IRF5: variants seen among roughly 807,000 people sequenced by gnomAD.
The protein encoded by IRF5 is interferon regulatory factor 5.
In IRF5, 24 loss-of-function variants were observed where a neutral mutation model predicts 55.1. That is an observed-to-expected ratio of 0.44 (90% CI 0.32 to 0.61). The LOEUF is 0.61. Ranked by LOEUF, IRF5 falls within the 20% of genes least tolerant of loss-of-function variation. The pLI, the probability that IRF5 is intolerant of heterozygous loss-of-function variation, is 0.07. For synonymous variants in IRF5, 258 were observed against 260.2 expected (o/e 0.99, Z 0.08); for missense variants, 499 against 658.5 (o/e 0.76, Z 2.65).
In IRF5 at chr7:128,948,384, GCTAGGCC is replaced by G; in HGVS notation, c.1299+59_1299+65del. ...GGCTTGAAAACTGGGGAATCCTGGG[GCTAGGCC>G]CTTGCCCCAGGCTGGAGGCTCAGGG... On this transcript the variant is annotated intron_variant, in intron 8 of 8. Coordinates refer to ENST00000357234, the MANE Select transcript of IRF5 (RefSeq NM_001098629.3). This position sits in a 1 kb window ranked among gnomAD's most constrained non-coding sequence, Gnocchi z 4.6. 1 of 1,505,854 alleles carries G rather than the reference GCTAGGCC, an allele frequency of 6.6e-7. No homozygotes were observed. The allele number at this position is 1,505,854 out of a possible 1,614,324, so 93.3% of individuals were successfully genotyped here. A position where few individuals can be genotyped will look rare whatever the true frequency, so the allele number is the denominator to read the frequency against.
upstream of IRF5, chr7:128,937,574 G>C (rs1563069336): frequency 6.6e-6 from 1 of 152,390 alleles, no homozygotes; most frequent in African/African-American, 2.4e-5. Flanking sequence ...AGGCAGGCGA[G>C]AGGAGGGCCT....
chr7:128,946,507 A>G lies in IRF5; in HGVS notation c.392A>G (p.Gln131Arg). The change falls in exon 4 of 9, where the codon CAG becomes CGG. Residue 131 changes from glutamine (Q) to arginine (R), a missense_variant. Around this residue, in one of 2 missense-constraint regions of IRF5, gnomAD observed 305 missense variants for 340.2 expected, o/e 0.90. Coordinates refer to ENST00000357234, the MANE Select transcript of IRF5 (RefSeq NM_001098629.3). The surrounding 1 kb of genome is among the most constrained non-coding windows in gnomAD (Gnocchi z 4.2). ...TTCTCTCCCTGCTGTGCAGACTCCC[A>G]GCCCCCTGAGGATTACTCTTTTGGT... ...CSNGPAPTDS[Q>R]PPEDYSFGAG... 1 of 1,607,288 alleles carries G rather than the reference A, an allele frequency of 6.2e-7. No individual in the cohort carries two copies. Among genetic ancestry groups the G allele is most frequent in the Non-Finnish European group, 8.5e-7 (1 of 1,177,198 alleles).
rs1406341251 is a variant in IRF5, at chr7:128,947,478, C to A, written c.730C>A (p.Pro244Thr). The stretch of plus-strand genomic sequence containing the variant: ...GCCTGGGCCCCTGCCTGCCAGCCTG[C>A]CCCCTGCAGGCGAACAGCTCCTGCC... ...LEPGPLPASL[P>T]PAGEQLLPDL... Residue 244 changes from proline to threonine, a missense_variant, in exon 6 of 9, where the codon CCC (proline) becomes ACC (threonine). By Grantham distance (38) the Pro-to-Thr change is conservative. Coordinates refer to ENST00000357234, the MANE Select transcript of IRF5 (RefSeq NM_001098629.3). This position sits in a 1 kb window ranked among gnomAD's most constrained non-coding sequence, Gnocchi z 6.5. The A allele has an allele frequency of 6.2e-7, 1 of 1,606,902 alleles. No homozygotes were observed. The highest frequency in any genetic ancestry group is 1.1e-5 in the South Asian group (1 of 90,488).
At chr7:128,945,742 C>A in intron 2 of IRF5, 103 bp from the exon 3 acceptor site, 1 of 1,167,610 alleles carries the variant, frequency 8.6e-7, no homozygotes. Flanking sequence ...AGCCTGTAGC[C>A]GAAGTTCTCC....
At position 128,946,868 on chromosome 7, in the gene IRF5, TG is replaced by T; in HGVS notation, c.448-152del. On this transcript the variant is annotated intron_variant, in intron 4 of 8. Coordinates refer to ENST00000357234, the MANE Select transcript of IRF5 (RefSeq NM_001098629.3). The surrounding 1 kb of genome is among the most constrained non-coding windows in gnomAD (Gnocchi z 4.2). ...TCTGACCTGCCTGGGATGGACGAGC[TG>T]GGACCGGAGGCAGGGTCTTGCCTGA... is the stretch of plus-strand genomic sequence containing the variant. 2.2e-6 allele frequency: 2 copies of T among 899,462 alleles called. No individual in the cohort carries two copies. Among genetic ancestry groups the T allele is most frequent in the African/African-American group, 1.6e-5 (1 of 60,704 alleles). 55.7% of individuals were successfully genotyped at this position (899,462 alleles called of 1,614,324 possible).
intron 1 of IRF5, chr7:128,940,488 C>G (rs2128957514): frequency 6.6e-6 from 1 of 152,470 alleles, no homozygotes; most frequent in Admixed American, 6.5e-5. Flanking sequence ...ATGTTATAAA[C>G]CACACTAAAT....
rs1796424106 is a variant in IRF5, at chr7:128,948,102, C to T, written c.1161C>T (p.Ser387=). Residue 387 remains serine (S), a synonymous_variant, in exon 7 of 9, where the codon AGC becomes AGT. Transcript: ENST00000357234. This position sits in a 1 kb window ranked among gnomAD's most constrained non-coding sequence, Gnocchi z 4.6. The part of the protein sequence containing the change: ...IQREVKTKLF[S]LEHFLNELIL... The stretch of plus-strand genomic sequence containing the variant: ...GGGAGGTCAAGACCAAGCTTTTCAG[C>T]CTGGAGCATTTTCTCAATGGTGAGG... 3 of 1,613,950 alleles carry T rather than the reference C, an allele frequency of 1.9e-6. No homozygotes were observed. Among genetic ancestry groups the T allele is most frequent in the Non-Finnish European group, 2.5e-6 (3 of 1,179,828 alleles).
chr7:128,946,880 C>T lies in IRF5; in HGVS notation c.448-143C>T. On this transcript the variant is annotated intron_variant, in intron 4 of 8. Coordinates refer to ENST00000357234, the MANE Select transcript of IRF5 (RefSeq NM_001098629.3). This position sits in a 1 kb window ranked among gnomAD's most constrained non-coding sequence, Gnocchi z 4.2. Reference sequence around the variant, plus strand: ...GGGATGGACGAGCTGGGACCGGAGGCAGGGTCTTGCCTGAGCTAAACTGAG... The same window carrying T: ...GGGATGGACGAGCTGGGACCGGAGGTAGGGTCTTGCCTGAGCTAAACTGAG... The T allele has an allele frequency of 1.0e-6, 1 of 992,792 alleles. No homozygotes were observed. Among genetic ancestry groups the T allele is most frequent in the Non-Finnish European group, 1.6e-6 (1 of 637,824 alleles). 61.5% of individuals were successfully genotyped at this position (992,792 alleles called of 1,614,324 possible).
In IRF5 at chr7:128,942,113, C is replaced by A. The variant is rs200486000; in HGVS notation, c.32C>A (p.Pro11Gln). The A allele has an allele frequency of 1.9e-6, 3 of 1,611,154 alleles. No individual in the cohort carries two copies. The highest frequency in any genetic ancestry group is 2.5e-6 in the Non-Finnish European group (3 of 1,179,036). MNQSIPVAPT[P>Q]PRRVRLKPWL... ...CAGTCCATCCCAGTGGCTCCCACCCCACCCCGCCGCGTGCGGCTGAAGCCC... is the reference window on the plus strand; with the variant it reads ...CAGTCCATCCCAGTGGCTCCCACCCAACCCCGCCGCGTGCGGCTGAAGCCC... Residue 11 changes from proline to glutamine, a missense_variant, in exon 2 of 9, where the codon CCA becomes CAA. Transcript: ENST00000357234.
intron 1 of IRF5, among the ~76,000 whole-genome samples, chr7:128,939,967 T>C (rs1795931682): frequency 6.6e-6 from 1 of 152,234 alleles, no homozygotes; most frequent in Non-Finnish European, 1.5e-5. Flanking sequence ...CTAGCCCTTT[T>C]CTGGGCAGAA....
rs371725551 is a variant in IRF5, at chr7:128,947,358, G to A, written c.610G>A (p.Val204Met). ...GCAGCCGCCCACTCTGCAGCCGCCCGTGGTGCTGGGTCCCCCTGCTCCAGA... is the reference window on the plus strand; with the variant it reads ...GCAGCCGCCCACTCTGCAGCCGCCCATGGTGCTGGGTCCCCCTGCTCCAGA... ...TLQPPTLQPP[V>M]VLGPPAPDPS... The change falls in exon 6 of 9, where the codon GTG becomes ATG. Residue 204 changes from valine to methionine, a missense_variant. Transcript: ENST00000357234. This position sits in a 1 kb window ranked among gnomAD's most constrained non-coding sequence, Gnocchi z 6.5. 3 of 1,608,062 alleles carry A rather than the reference G, an allele frequency of 1.9e-6. No individual in the cohort carries two copies. The highest frequency in any genetic ancestry group is 2.7e-5 in the African/African-American group (2 of 74,678).
Position 128,938,005 on chromosome 7 carries a change from C to G in IRF5, c.-56C>G, listed in dbSNP as rs1795825877. 6.6e-6 allele frequency: 1 copy of G among 152,134 alleles called. No individual in the cohort carries two copies. The highest frequency in any genetic ancestry group is 2.4e-5 in the African/African-American group (1 of 41,446). The allele number at this position is 152,134 out of a possible 1,614,324, so 9.4% of individuals were successfully genotyped here. On this transcript the variant is annotated 5_prime_UTR_variant, in exon 1 of 9. Transcript: ENST00000357234. ...CAGAGCTCAGCTTGGTCCCGCCGCC[C>G]GGCCGGTGCTCCCTGGCGCAGCCAC...
chr7:128,947,734 G>A lies in IRF5; in HGVS notation c.793G>A (p.Asp265Asn). ...LISPHMLPLT[D>N]LEIKFQYRGR... is the part of the protein sequence containing the mutation. ...GCCTGCCTTCTGCCCCACAGTGACC[G>A]ACCTGGAGATCAAGTTTCAGTACCG... The change falls in exon 7 of 9, where the codon GAC becomes AAC. Residue 265 changes from aspartate (D) to asparagine (N), a missense_variant. By Grantham distance (23) the Asp-to-Asn change is conservative (BLOSUM62 1). Around this residue, in one of 2 missense-constraint regions of IRF5, gnomAD observed 305 missense variants for 340.2 expected, o/e 0.90. Transcript: ENST00000357234. This position sits in a 1 kb window ranked among gnomAD's most constrained non-coding sequence, Gnocchi z 6.5. 1.9e-6 allele frequency: 3 copies of A among 1,604,252 alleles called. No individual in the cohort carries two copies. The highest frequency in any genetic ancestry group is 2.5e-6 in the Non-Finnish European group (3 of 1,177,422).
At position 128,948,569 on chromosome 7, in the gene IRF5, C is replaced by T. The variant is rs1232182825; in HGVS notation, c.1300-4C>T. The T allele has an allele frequency of 5.0e-6, 8 of 1,613,380 alleles. No individual in the cohort carries two copies. Among genetic ancestry groups the T allele is most frequent in the Non-Finnish European group, 6.8e-6 (8 of 1,180,014 alleles). Reference sequence around the variant, plus strand: ...CCCTGTCTCATCTCCTCTTTGCCTCCCAGGTGGTGCCTGTAGCAGCTCGAC... The same window carrying T: ...CCCTGTCTCATCTCCTCTTTGCCTCTCAGGTGGTGCCTGTAGCAGCTCGAC... On this transcript the variant is annotated splice_polypyrimidine_tract_variant and splice_region_variant and intron_variant, in intron 8 of 8. Transcript: ENST00000357234. This position sits in a 1 kb window ranked among gnomAD's most constrained non-coding sequence, Gnocchi z 4.6.
intron 2 of IRF5, among the ~76,000 whole-genome samples, chr7:128,943,842 T>G (rs1796169551): frequency 6.7e-6 from 1 of 150,186 alleles, no homozygotes; most frequent in African/African-American, 2.5e-5. Flanking sequence ...GTGCTGGGAT[T>G]ACAGGCGTGA....
At chr7:128,945,281 T>G (rs971058325) in intron 2 of IRF5, among the ~76,000 whole-genome samples, 10 of 152,170 alleles carry the variant, frequency 6.6e-5, no homozygotes, top group Non-Finnish European at 1.0e-4. Flanking sequence ...CCCAGCTAAT[T>G]TTTTGTAAAG....
intron 1 of IRF5, among the ~76,000 whole-genome samples, chr7:128,938,525 C>T (rs1795855876): frequency 6.6e-6 from 1 of 152,226 alleles, no homozygotes; most frequent in African/African-American, 2.4e-5. Context: ...CCGGGCCACC[C>T]TCACCCTTTC....
rs767281005 is a variant in IRF5 at position 128,947,401 on chromosome 7, C to T, written c.653C>T (p.Pro218Leu). ...GCTCCAGACCCCAGCCCCCTGGCTC[C>T]TCCCCCTGGCAACCCTGCTGGCTTC... Reference protein sequence around the residue: ...PPAPDPSPLAPPPGNPAGFRE... With the variant: ...PPAPDPSPLALPPGNPAGFRE... Residue 218 changes from proline to leucine, a missense_variant, in exon 6 of 9, where the codon CCT (proline) becomes CTT (leucine). By Grantham distance (98) the Pro-to-Leu change is moderately conservative (BLOSUM62 -3). Around this residue, in one of 2 missense-constraint regions of IRF5, gnomAD observed 305 missense variants for 340.2 expected, o/e 0.90. Coordinates refer to ENST00000357234, the MANE Select transcript of IRF5 (RefSeq NM_001098629.3). The surrounding 1 kb of genome is among the most constrained non-coding windows in gnomAD (Gnocchi z 6.5). 3.7e-6 allele frequency: 6 copies of T among 1,610,802 alleles called. No individual in the cohort carries two copies. In the South Asian group the frequency reaches 4.4e-5, roughly 12 times the overall value.
chr7:128,940,526 T>G (rs1795962680), intron 1 of IRF5: 1 of 152,392 alleles, frequency 6.6e-6, no homozygotes, highest in Non-Finnish European at 1.5e-5. Context: ...AAGTTTGGGG[T>G]GCGGGGAACA....
Sources: allele counts gnomAD v4.1 joint callset (sites outside exome capture counted in the v4.1 genomes callset), GRCh38; gene constraint gnomAD v4.1.1; regional missense constraint gnomAD v4.1.1; non-coding constraint Gnocchi (gnomAD v3.1); transcripts MANE v1.5; gene names NCBI Gene and HGNC (gene_info 2026-07-23, HGNC 2026-07-21).